The following ERN1 variants were observed in gnomAD, a reference collection of about 807,000 sequenced individuals.
The protein encoded by ERN1 is endoplasmic reticulum to nucleus signaling 1.
Under a neutral mutation model 113.1 loss-of-function variants are expected in ERN1, and 39 were observed. The ratio of observed to expected loss-of-function variants is 0.34; its 90% confidence interval spans 0.27 to 0.45. The LOEUF (loss-of-function observed/expected upper bound fraction) is 0.45. ERN1 is among the 20% of genes least tolerant of loss of function. ERN1 has a pLI of 1.00. For missense variants in ERN1, 976 were observed against 1,274.8 expected, an observed-to-expected ratio of 0.77 and a Z score of 3.57; for synonymous variants, 507 against 515.9, an observed-to-expected ratio of 0.98 and a Z score of 0.23.
chr17:64,108,142 C>G (rs1389525073), intron 1 of ERN1, among the ~76,000 whole-genome samples: 1 of 151,976 alleles, frequency 6.6e-6, no homozygotes, highest in Non-Finnish European at 1.5e-5. Flanking sequence ...TAATTAACCA[C>G]CACCCAAGAC....
intron 12 of ERN1, among the ~76,000 whole-genome samples, chr17:64,057,307 A>C (rs996415571): frequency 6.6e-6 from 1 of 152,216 alleles, no homozygotes; most frequent in African/African-American, 2.4e-5. Flanking sequence ...CTTTTCTGGG[A>C]GGCTAGTGTC....
At chr17:64,117,680 G>A (rs141102900) in intron 1 of ERN1, among the ~76,000 whole-genome samples, 2 of 152,234 alleles carry the variant, frequency 1.3e-5, no homozygotes, top group Non-Finnish European at 2.9e-5. Context: ...TCTAGTCTAC[G>A]AGAGTACAGT....
At chr17:64,068,396 G>T in intron 6 of ERN1, 105 bp from the exon 7 acceptor site, 1 of 793,086 alleles carries the variant, frequency 1.3e-6, no homozygotes. Context: ...CTAAACTGTA[G>T]GCCAAAAAGT....
intron 1 of ERN1, among the ~76,000 whole-genome samples, chr17:64,113,205 T>A (rs371382555): frequency 6.6e-6 from 1 of 152,300 alleles, no homozygotes; most frequent in East Asian, 1.9e-4. Context: ...CCACCAATAA[T>A]GAGATAGACT....
intron 1 of ERN1, among the ~76,000 whole-genome samples, chr17:64,123,892 T>C (rs1006942265): frequency 6.6e-6 from 1 of 152,216 alleles, no homozygotes; most frequent in African/African-American, 2.4e-5. Flanking sequence ...AAGAATAATG[T>C]TGCAGAATTA....
chr17:64,050,628 T>C (rs531162131), intron 17 of ERN1, among the ~76,000 whole-genome samples: 23 of 152,216 alleles, frequency 1.5e-4, no homozygotes, highest in African/African-American at 5.3e-4. Context: ...GTTTGAAGTG[T>C]CCAAGCCTCC....
intron 1 of ERN1, among the ~76,000 whole-genome samples, chr17:64,106,763 C>CACA (rs373338585): frequency 0.019 from 2,573 of 138,516 alleles, 108 homozygotes; most frequent in African/African-American, 0.066. Context: ...CACACACACA[C>CACA]AAGCTCGCTG....
chr17:64,052,915 C>T lies in ERN1; in HGVS notation c.2118G>A (p.Lys706=). 1.2e-6 allele frequency: 2 copies of T among 1,613,850 alleles called. No individual in the cohort carries two copies. Among genetic ancestry groups the T allele is most frequent in the Non-Finnish European group, 1.7e-6 (2 of 1,179,834 alleles). The part of the protein sequence containing the change: ...ISMPNAHGKI[K]AMISDFGLCK... ...AGAGGCCAAAGTCGGAGATCATGGCCTTGATCTTGCCGTGTGCATTGGGCA... is the reference window on the plus strand; with the variant it reads ...AGAGGCCAAAGTCGGAGATCATGGCTTTGATCTTGCCGTGTGCATTGGGCA... Residue 706 remains lysine (K), a synonymous_variant, in exon 17 of 22, where the codon AAG becomes AAA. Coordinates refer to ENST00000433197, the MANE Select transcript of ERN1 (RefSeq NM_001433.5).
rs1043657522 is a variant in ERN1, at chr17:64,102,886, A to T, written c.55-4645T>A. The T allele has an allele frequency of 8.1e-6, 8 of 984,714 alleles. No homozygotes were observed. In the African/African-American group the frequency reaches 1.4e-4, roughly 17 times the overall value. The allele number at this position is 984,714 out of a possible 1,614,324, so 61.0% of individuals were successfully genotyped here. A position where few individuals can be genotyped will look rare whatever the true frequency, so the allele number is the denominator to read the frequency against. On this transcript the variant is annotated intron_variant, in intron 1 of 21. Coordinates refer to ENST00000433197, the MANE Select transcript of ERN1 (RefSeq NM_001433.5). ...TGAAATTTGATTCAGTTTTAAAACT[A>T]GTAGTTGGGAGGTTAAAAAAAAAAA...
intron 1 of ERN1, among the ~76,000 whole-genome samples, chr17:64,123,159 A>C (rs989840281): frequency 6.6e-6 from 1 of 152,078 alleles, no homozygotes; most frequent in Non-Finnish European, 1.5e-5. Flanking sequence ...TCAATGTATC[A>C]ACTCTGATTT....
chr17:64,070,988 C>T (rs1019276638), intron 6 of ERN1, among the ~76,000 whole-genome samples: 1 of 152,154 alleles, frequency 6.6e-6, no homozygotes, highest in African/African-American at 2.4e-5. Flanking sequence ...AAAGTCGTAC[C>T]CTCAGGGAAC....
rs1912421849 is a variant in ERN1 at position 64,043,994 on chromosome 17, G to A, written c.2928C>T (p.Ala976=). ...ACAGAGGGGCCGCCCTCGCTCAGAG[G>A]GCGTCTGGAGTCACTGGGGGCTGGG... The part of the protein sequence containing the change: ...PEPQPPVTPD[A]L The change falls in exon 22 of 22, where the codon GCC becomes GCT. Residue 976 remains alanine, a synonymous_variant. Coordinates refer to ENST00000433197, the MANE Select transcript of ERN1 (RefSeq NM_001433.5). 2 of 1,608,262 alleles carry A rather than the reference G, an allele frequency of 1.2e-6. No homozygotes were observed. The highest frequency in any genetic ancestry group is 1.7e-6 in the Non-Finnish European group (2 of 1,176,158).
Position 64,043,877 on chromosome 17 carries a change from T to G in ERN1, c.*111A>C. 6 of 738,318 alleles carry G rather than the reference T, an allele frequency of 8.1e-6. No homozygotes were observed. Among genetic ancestry groups the G allele is most frequent in the Middle Eastern group, 4.1e-4 (1 of 2,458 alleles). The allele number at this position is 738,318 out of a possible 1,614,324, so 45.7% of individuals were successfully genotyped here. A position where few individuals can be genotyped will look rare whatever the true frequency, so the allele number is the denominator to read the frequency against. On this transcript the variant is annotated 3_prime_UTR_variant, in exon 22 of 22. Coordinates refer to ENST00000433197, the MANE Select transcript of ERN1 (RefSeq NM_001433.5). ...TGCAGAGCAGGCAGCTCAAGGCACT[T>G]GGTTTGGGAAGCCTGGTCTCCCTGC...
At chr17:64,084,687 G>T (rs1401417563) in intron 2 of ERN1, among the ~76,000 whole-genome samples, 1 of 152,146 alleles carries the variant, frequency 6.6e-6, no homozygotes, top group Non-Finnish European at 1.5e-5. Context: ...TCCTTTGGTG[G>T]TTCCCCATCT....
intron 4 of ERN1, among the ~76,000 whole-genome samples, chr17:64,078,052 G>C (rs1018351206): frequency 1.2e-4 from 18 of 152,144 alleles, no homozygotes; most frequent in African/African-American, 4.3e-4. Flanking sequence ...CATTTCTGTT[G>C]GGTCTGTAAC....
In ERN1 at chr17:64,061,177, GAGCA is replaced by G. The variant is rs1417760135; in HGVS notation, c.1088-594_1088-591del. 2.0e-5 allele frequency among the ~76,000 whole-genome samples: 3 copies of G among 152,208 alleles called. No individual in the cohort carries two copies. In the East Asian group the frequency reaches 5.8e-4, roughly 29 times the overall value. ...ACTACACAACTATCGCATGGCTACTGAGCATTCATTACACATTTATTGAGCATCT... is the reference window on the plus strand; with the variant it reads ...ACTACACAACTATCGCATGGCTACTGTTCATTACACATTTATTGAGCATCT... On this transcript the variant is annotated intron_variant, in intron 10 of 21. Transcript: ENST00000433197.
At chr17:64,098,400 A>C in intron 1 of ERN1, 159 bp from the exon 2 acceptor site, 2 of 903,420 alleles carry the variant, frequency 2.2e-6, no homozygotes, top group Non-Finnish European at 3.7e-6. Flanking sequence ...CTCAGTCAGG[A>C]CTAGAACCCA....
intron 1 of ERN1, chr17:64,129,254 C>T (rs1186783301): frequency 6.6e-6 from 1 of 152,206 alleles, no homozygotes; most frequent in Non-Finnish European, 1.5e-5. Flanking sequence ...AGGTGCTCTC[C>T]CACGAGGAGA....
intron 2 of ERN1, among the ~76,000 whole-genome samples, chr17:64,086,469 A>G (rs1913927446): frequency 6.6e-6 from 1 of 152,054 alleles, no homozygotes; most frequent in East Asian, 1.9e-4. Flanking sequence ...TTATTACCAA[A>G]TAGTATTCTA....
Sources: gnomAD v4.1 joint callset for allele counts (sites outside exome capture counted in the v4.1 genomes callset) on GRCh38, gnomAD v4.1.1 for gene constraint, MANE v1.5 for transcripts, NCBI Gene and HGNC (gene_info 2026-07-23, HGNC 2026-07-21) for gene names.